The following CACNA1E variants were observed in gnomAD, a reference collection of about 807,000 sequenced individuals.
CACNA1E encodes voltage-dependent R-type calcium channel subunit alpha-1E.
Under a neutral mutation model 259.2 loss-of-function variants are expected in CACNA1E, and 40 were observed. The ratio of observed to expected loss-of-function variants is 0.15; its 90% CI spans 0.12 to 0.20. The LOEUF (loss-of-function observed/expected upper bound fraction) is 0.20. Ranked by LOEUF, CACNA1E falls within the 10% of genes least tolerant of loss-of-function variation. The probability of loss-of-function intolerance (pLI) is 1.00; values close to 1 mark genes in which losing one functional copy is unlikely to be tolerated. For synonymous variants in CACNA1E, 1,104 were observed against 1,138.5 expected (o/e 0.97, Z 0.61); for missense variants, 1,874 against 3,040.1 (o/e 0.62, Z 9.02).
rs1157958368 is a variant in CACNA1E at position 181,779,850 on chromosome 1, A to G, written c.5268-1577A>G. ...CACACACACACACACACACACACAC[A>G]GGTCCACCTTAGTCTGTATAGTTAA... is the stretch of plus-strand genomic sequence containing the variant. On this transcript the variant is annotated intron_variant, in intron 38 of 47. Transcript: ENST00000367573. Among the ~76,000 whole-genome samples the G allele has an allele frequency of 2.7e-5, 4 of 147,492 alleles. No individual in the cohort carries two copies. The East Asian group carries it at 8.3e-4, about 31-fold the overall frequency.
chr1:181,693,072 C>T (rs374425369), intron 7 of CACNA1E, among the ~76,000 whole-genome samples: 5 of 133,958 alleles, frequency 3.7e-5, no homozygotes, highest in East Asian at 2.2e-4. Flanking sequence ...TGGAGAAATA[C>T]GAATCAAAAC....
intron 3 of CACNA1E, among the ~76,000 whole-genome samples, chr1:181,529,469 G>A (rs1231640825): frequency 6.6e-6 from 1 of 152,214 alleles, no homozygotes; most frequent in Non-Finnish European, 1.5e-5. Flanking sequence ...GAGGGCCACT[G>A]TCCTCCAGAC....
At chr1:181,580,931 C>A (rs1651454533) in intron 6 of CACNA1E, among the ~76,000 whole-genome samples, 155 bp downstream of exon 6, 1 of 152,192 alleles carries the variant, frequency 6.6e-6, no homozygotes, top group African/African-American at 2.4e-5. Flanking sequence ...TAAGCCTTAG[C>A]AGTTCATAAC....
intron 6 of CACNA1E, among the ~76,000 whole-genome samples, chr1:181,598,391 CAAGA>C (rs1653412703): frequency 6.6e-6 from 1 of 152,026 alleles, no homozygotes; most frequent in South Asian, 2.1e-4. Context: ...CTGAGGTAGC[CAAGA>C]AAGGCTTCAT....
intron 40 of CACNA1E, among the ~76,000 whole-genome samples, chr1:181,784,229 C>A (rs1020771878): frequency 2.0e-5 from 3 of 152,132 alleles, no homozygotes; most frequent in African/African-American, 7.2e-5. Flanking sequence ...CCAGGTGGAC[C>A]TTTAGCCTTT....
At chr1:181,686,272 C>A (rs1650525717) in intron 7 of CACNA1E, among the ~76,000 whole-genome samples, 1 of 123,182 alleles carries the variant, frequency 8.1e-6, no homozygotes, top group South Asian at 2.6e-4. Context: ...CAGTAAGAAC[C>A]AAGTTTTTTT....
chr1:181,437,027 A>C (rs1056348494), intron 2 of CACNA1E, among the ~76,000 whole-genome samples: 2 of 152,154 alleles, frequency 1.3e-5, no homozygotes, highest in African/African-American at 2.4e-5. Context: ...GAAAACCCCC[A>C]AAAAAGCATG....
intron 1 of CACNA1E, among the ~76,000 whole-genome samples, chr1:181,495,446 G>A (rs1040955954): frequency 2.0e-5 from 3 of 152,204 alleles, no homozygotes; most frequent in Non-Finnish European, 2.9e-5. Context: ...TTTTGTGAAG[G>A]TCAGATGAGA....
intron 3 of CACNA1E, among the ~76,000 whole-genome samples, chr1:181,528,837 A>C (rs901545188): frequency 3.3e-5 from 5 of 152,228 alleles, no homozygotes; most frequent in African/African-American, 4.8e-5. Context: ...TGCTGTTAAA[A>C]GCATTCTATT....
At chr1:181,771,243 A>G in intron 35 of CACNA1E, 50 bp from the exon 36 acceptor site, 1 of 1,060,102 alleles carries the variant, frequency 9.4e-7, no homozygotes, top group Non-Finnish European at 1.4e-6. Context: ...TGCTGGACAC[A>G]TCACACAGCT....
At chr1:181,580,558 A>G (rs758951628) in intron 5 of CACNA1E, 37 bp from the exon 6 acceptor site, 6 of 1,595,050 alleles carry the variant, frequency 3.8e-6, no homozygotes, top group East Asian at 2.2e-5. Context: ...GCGAAACACC[A>G]TGTGATTTAT....
intron 1 of CACNA1E, among the ~76,000 whole-genome samples, chr1:181,383,766 C>T (rs1337934745): frequency 6.6e-6 from 1 of 152,248 alleles, no homozygotes; most frequent in Admixed American, 6.5e-5. Flanking sequence ...TTCCCTGCCT[C>T]CCTTACGGGG....
chr1:181,550,850 G>A (rs1344623577), intron 3 of CACNA1E, among the ~76,000 whole-genome samples: 1 of 152,182 alleles, frequency 6.6e-6, no homozygotes, highest in South Asian at 2.1e-4. Flanking sequence ...TACTGAGAGG[G>A]AGGGGAGGCC....
chr1:181,505,678 C>CT (rs760330066), intron 1 of CACNA1E, among the ~76,000 whole-genome samples: 42 of 146,110 alleles, frequency 2.9e-4, no homozygotes, highest in South Asian at 1.3e-3. Flanking sequence ...CTGGCCTTCT[C>CT]TTTTTTTTTT....
intron 1 of CACNA1E, among the ~76,000 whole-genome samples, chr1:181,325,533 C>A (rs1223474227): frequency 6.6e-6 from 1 of 152,194 alleles, no homozygotes. Flanking sequence ...ACTCTAGGGG[C>A]GGGGCCAAGC....
intron 6 of CACNA1E, among the ~76,000 whole-genome samples, chr1:181,639,860 A>G (rs912988431): frequency 1.3e-5 from 2 of 152,210 alleles, no homozygotes; most frequent in Non-Finnish European, 2.9e-5. Context: ...AGTACAAATC[A>G]TCACAAATCA....
chr1:181,737,035 T>G (rs1443315663), intron 22 of CACNA1E, among the ~76,000 whole-genome samples: 2 of 152,236 alleles, frequency 1.3e-5, no homozygotes, highest in African/African-American at 4.8e-5. Flanking sequence ...GAGCCATCCA[T>G]GGCTAGAATG....
chr1:181,771,916 C>T (rs1659552545), intron 36 of CACNA1E, 150 bp from the exon 37 acceptor site: 1 of 659,886 alleles, frequency 1.5e-6, no homozygotes, highest in South Asian at 2.0e-5. Context: ...TTTATCTCTG[C>T]ATGGAAAGCA....
At position 181,717,167 on chromosome 1, in the gene CACNA1E, C is replaced by T. The variant is rs995607833; in HGVS notation, c.1390C>T (p.Leu464Phe). The change falls in exon 11 of 48, where the codon CTT becomes TTT. Residue 464 changes from leucine (L) to phenylalanine (F), a missense_variant. Leu to Phe is a conservative substitution (Grantham distance 22). Coordinates refer to ENST00000367573, the MANE Select transcript of CACNA1E (RefSeq NM_001205293.3). Reference sequence around the variant, plus strand: ...CTCTTATTTCCGGCACAAGGAAAGGCTTCTGCGCATCTCCATTCGCCACAT... The same window carrying T: ...CTCTTATTTCCGGCACAAGGAAAGGTTTCTGCGCATCTCCATTCGCCACAT... ...GVSYFRHKERLLRISIRHMVK... is the reference protein window; with the variant it reads ...GVSYFRHKERFLRISIRHMVK... 1 of 1,614,062 alleles carries T rather than the reference C, an allele frequency of 6.2e-7. No homozygotes were observed. Among genetic ancestry groups the T allele is most frequent in the Non-Finnish European group, 8.5e-7 (1 of 1,179,896 alleles).
Sources: allele counts gnomAD v4.1 joint callset (sites outside exome capture counted in the v4.1 genomes callset), GRCh38; gene constraint gnomAD v4.1.1; transcripts MANE v1.5; gene names NCBI Gene and HGNC (gene_info 2026-07-23, HGNC 2026-07-21).